The following R3HDM2 variants were observed in gnomAD, a reference collection of about 807,000 sequenced individuals.
The protein encoded by R3HDM2 is R3H domain containing 2, also known as R3H domain-containing protein 2.
R3HDM2 carries 38 observed loss-of-function variants against 124.5 expected under a neutral mutation model. The ratio of observed to expected loss-of-function variants is 0.31; its 90% confidence interval spans 0.24 to 0.40. The LOEUF is 0.40. R3HDM2 is among the 10% of genes least tolerant of loss of function. R3HDM2 has a pLI of 1.00. For synonymous variants in R3HDM2, 391 were observed against 448.0 expected (o/e 0.87, Z 1.61); for missense variants, 869 against 1,236.9 (o/e 0.70, Z 4.46).
intron 2 of R3HDM2, among the ~76,000 whole-genome samples, chr12:57,371,413 A>T (rs1008480228): frequency 6.6e-6 from 1 of 152,198 alleles, no homozygotes; most frequent in African/African-American, 2.4e-5. Flanking sequence ...AGAAAAGGTA[A>T]GAAATATCAT....
intron 9 of R3HDM2, among the ~76,000 whole-genome samples, chr12:57,295,963 G>T (rs926252269): frequency 9.2e-5 from 14 of 152,092 alleles, no homozygotes; most frequent in Non-Finnish European, 2.1e-4. Flanking sequence ...TCTGCCACTG[G>T]GGTTCAAGTG....
At position 57,284,034 on chromosome 12, in the gene R3HDM2, G is replaced by A. The variant is rs775399390; in HGVS notation, c.961C>T (p.Arg321Cys). The A allele has an allele frequency of 6.5e-5, 105 of 1,607,386 alleles. No homozygotes were observed. The highest frequency in any genetic ancestry group is 2.8e-4 in the Admixed American group (16 of 58,134). Residue 321 changes from arginine to cysteine, a missense_variant, in exon 13 of 24, where the codon CGC (arginine) becomes TGC (cysteine). This residue lies in a region of R3HDM2 where 267 missense variants were observed against 447.7 expected (regional missense o/e 0.60). Coordinates refer to ENST00000402412, the MANE Select transcript of R3HDM2 (RefSeq NM_001394031.1). Reference sequence around the variant, plus strand: ...CTGCTCTGGCGGCTGCTTGAGGTGCGGCTCAGTCCTTCACGGTTCCCCCTG... The same window carrying A: ...CTGCTCTGGCGGCTGCTTGAGGTGCAGCTCAGTCCTTCACGGTTCCCCCTG... ...DIRGNREGLS[R>C]TSSSRQSSTD...
In R3HDM2 at chr12:57,280,420, G is replaced by T; in HGVS notation, c.1282C>A (p.Leu428Ile). The T allele has an allele frequency of 6.2e-7, 1 of 1,614,166 alleles. No individual in the cohort carries two copies. The highest frequency in any genetic ancestry group is 1.3e-5 in the African/African-American group (1 of 75,046). Reference protein sequence around the residue: ...QQQQQQQQQQLPALPPTPQQQ... With the variant: ...QQQQQQQQQQIPALPPTPQQQ... The stretch of plus-strand genomic sequence containing the variant: ...TGAGGCGTGGGTGGGAGAGCAGGAA[G>T]TTGCTGCTGCTGCTGCTGCTGTTGC... Residue 428 changes from leucine (L) to isoleucine (I), a missense_variant, in exon 14 of 24, where the codon CTT becomes ATT. Leu to Ile is a conservative substitution (Grantham distance 5). Transcript: ENST00000402412.
chr12:57,282,681 T>C (rs2046446540), intron 13 of R3HDM2, among the ~76,000 whole-genome samples: 3 of 151,488 alleles, frequency 2.0e-5, no homozygotes, highest in Non-Finnish European at 4.4e-5. Flanking sequence ...AAAAAAATCA[T>C]AAAAAGAGCT....
Position 57,418,192 on chromosome 12 carries a change from G to A in R3HDM2, c.-106+12528C>T, listed in dbSNP as rs569569503. 3.4e-4 allele frequency: 332 copies of A among 985,282 alleles called. 1 individual carries two copies. The highest frequency in any genetic ancestry group is 3.1e-3 in the Middle Eastern group (6 of 1,914). 61.0% of individuals were successfully genotyped at this position (985,282 alleles called of 1,614,324 possible). ...GTTTGCCCAAGACACAAACCTGAGC[G>A]TCATCCATCCACAATTCCTCCCCTC... On this transcript the variant is annotated intron_variant, in intron 1 of 23. Coordinates refer to ENST00000402412, the MANE Select transcript of R3HDM2 (RefSeq NM_001394031.1).
chr12:57,375,966 C>T (rs1169878828), intron 2 of R3HDM2, among the ~76,000 whole-genome samples: 1 of 152,170 alleles, frequency 6.6e-6, no homozygotes, highest in Non-Finnish European at 1.5e-5. Flanking sequence ...GCCACCATGC[C>T]CAGCCAGATC....
At chr12:57,404,649 G>A (rs1441669326) in intron 1 of R3HDM2, among the ~76,000 whole-genome samples, 2 of 152,062 alleles carry the variant, frequency 1.3e-5, no homozygotes, top group African/African-American at 4.8e-5. Context: ...GCAGTGAGCC[G>A]AGATTGTGCC....
Position 57,337,139 on chromosome 12 carries a change from TTTGTTGTTG to T in R3HDM2, c.-35-26685_-35-26677del, listed in dbSNP as rs528126049. On this transcript the variant is annotated intron_variant, in intron 2 of 23. Coordinates refer to ENST00000402412, the MANE Select transcript of R3HDM2 (RefSeq NM_001394031.1). Reference sequence around the variant, plus strand: ...TTCCCAAGAATTCTCTTTCTCTCTTTTTGTTGTTGTTGTTGTTGTTGTTGTTGTTTTGAG... The same window carrying T: ...TTCCCAAGAATTCTCTTTCTCTCTTTTTGTTGTTGTTGTTGTTGTTTTGAG... Among the ~76,000 whole-genome samples the T allele has an allele frequency of 7.5e-4, 113 of 151,342 alleles. 2 individuals carry two copies. Among genetic ancestry groups the T allele is most frequent in the African/African-American group, 2.5e-3 (103 of 41,154 alleles).
At chr12:57,271,354 G>A (rs1347310589) in intron 14 of R3HDM2, among the ~76,000 whole-genome samples, 1 of 152,180 alleles carries the variant, frequency 6.6e-6, no homozygotes, top group African/African-American at 2.4e-5. Context: ...AGCAGCAAGG[G>A]TGATGGTGTT....
chr12:57,258,948 C>T lies in R3HDM2; in HGVS notation c.2243G>A (p.Ser748Asn), dbSNP rs1169620435. 6.2e-7 allele frequency: 1 copy of T among 1,612,674 alleles called. No homozygotes were observed. The highest frequency in any genetic ancestry group is 2.2e-5 in the East Asian group (1 of 44,856). The part of the protein sequence containing the change: ...MVQWSHCKYY[S>N]MDQRGQKPGD... ...AGGCTTCTGCCCCCGCTGGTCCATG[C>T]TGTAGTATTTACAATGACTCCACTG... is the stretch of plus-strand genomic sequence containing the variant. Residue 748 changes from serine to asparagine, a missense_variant, in exon 20 of 24, where the codon AGC (serine) becomes AAC (asparagine). Ser to Asn is a conservative substitution (Grantham distance 46). Coordinates refer to ENST00000402412, the MANE Select transcript of R3HDM2 (RefSeq NM_001394031.1).
At chr12:57,430,126 G>C (rs936210170) in intron 1 of R3HDM2, among the ~76,000 whole-genome samples, 4 of 152,140 alleles carry the variant, frequency 2.6e-5, no homozygotes, top group Non-Finnish European at 5.9e-5. Context: ...TTCACTCTAA[G>C]TCAGTATTCC....
intron 1 of R3HDM2, among the ~76,000 whole-genome samples, chr12:57,423,926 C>A (rs1356797997): frequency 1.3e-5 from 2 of 149,962 alleles, no homozygotes; most frequent in East Asian, 4.0e-4. Context: ...GCCAGCCTGA[C>A]CAACATGGAG....
intron 2 of R3HDM2, among the ~76,000 whole-genome samples, chr12:57,334,519 G>C (rs1182545306): frequency 6.6e-6 from 1 of 151,552 alleles, no homozygotes; most frequent in Non-Finnish European, 1.5e-5. Flanking sequence ...AGAAACTGCT[G>C]CAAAAACTGT....
chr12:57,296,629 G>A lies in R3HDM2; in HGVS notation c.561-78C>T. The A allele has an allele frequency of 7.1e-7, 1 of 1,411,182 alleles. No homozygotes were observed. The allele number at this position is 1,411,182 out of a possible 1,614,324, so 87.4% of individuals were successfully genotyped here. On this transcript the variant is annotated intron_variant, in intron 8 of 23. Coordinates refer to ENST00000402412, the MANE Select transcript of R3HDM2 (RefSeq NM_001394031.1). This position sits in a 1 kb window ranked among gnomAD's most constrained non-coding sequence, Gnocchi z 4.5. ...CAACCAATTTTAATTTTTCTTACAA[G>A]TGTCTAAAGTGGAAAGTTTCTTAGG...
At chr12:57,402,370 T>C (rs2068118340) in intron 1 of R3HDM2, among the ~76,000 whole-genome samples, 1 of 151,976 alleles carries the variant, frequency 6.6e-6, no homozygotes, top group African/African-American at 2.4e-5. Context: ...TTTTTGGAGA[T>C]AAGAGTCTCA....
intron 1 of R3HDM2, among the ~76,000 whole-genome samples, chr12:57,419,807 C>T (rs893953809): frequency 5.3e-5 from 8 of 151,906 alleles, no homozygotes; most frequent in Non-Finnish European, 8.8e-5. Flanking sequence ...GAAATGCTCC[C>T]CCACCTTTAC....
intron 2 of R3HDM2, among the ~76,000 whole-genome samples, chr12:57,360,047 AT>A (rs57288626): frequency 0.014 from 1,576 of 113,264 alleles, 19 homozygotes; most frequent in African/African-American, 0.036. Flanking sequence ...ATATATATAT[AT>A]TTTTTTTTTT....
At chr12:57,401,907 CCGGGAGGTGGAGG>C (rs1282347805) in intron 1 of R3HDM2, among the ~76,000 whole-genome samples, 1 of 151,522 alleles carries the variant, frequency 6.6e-6, no homozygotes, top group Non-Finnish European at 1.5e-5. Context: ...TCACTTAGAC[CCGGGAGGTGGAGG>C]TTGCAGTGAG....
chr12:57,404,950 TTTGAATCTTTAAGTAGG>T (rs1280604026), intron 1 of R3HDM2, among the ~76,000 whole-genome samples: 1 of 152,146 alleles, frequency 6.6e-6, no homozygotes, highest in East Asian at 1.9e-4. Context: ...CTATGAAACC[TTTGAATCTTTAAGTAGG>T]TTAACTAATG....
Sources: allele counts gnomAD v4.1 joint callset (sites outside exome capture counted in the v4.1 genomes callset), GRCh38; gene constraint gnomAD v4.1.1; regional missense constraint gnomAD v4.1.1; non-coding constraint Gnocchi (gnomAD v3.1); transcripts MANE v1.5; gene names NCBI Gene and HGNC (gene_info 2026-07-23, HGNC 2026-07-21).